PCDH7: variants seen among roughly 807,000 people sequenced by gnomAD.
PCDH7 encodes protocadherin-7.
Under a neutral mutation model 58.9 loss-of-function variants are expected in PCDH7, and 17 were observed. The observed-to-expected ratio is 0.29, with a 90% CI of 0.20 to 0.43. The LOEUF (loss-of-function observed/expected upper bound fraction) is 0.43. Ranked by LOEUF, PCDH7 falls within the 20% of genes least tolerant of loss-of-function variation. PCDH7 has a pLI of 1.00. For synonymous variants in PCDH7, 664 were observed against 616.4 expected, an observed-to-expected ratio of 1.08 and a Z score of -1.14; for missense variants, 1,274 against 1,441.0, an observed-to-expected ratio of 0.88 and a Z score of 1.88.
At position 31,057,411 on chromosome 4, in the gene PCDH7, C is replaced by A. The variant is rs191099215; in HGVS notation, c.*8-85062C>A. On this transcript the variant is annotated intron_variant, in intron 3 of 3. Transcript: ENST00000509759. Reference sequence around the variant, plus strand: ...CAGAGGTGGGTCATTGCATGAGTCTCCTGGTATAAACATATATGAACTTTT... The same window carrying A: ...CAGAGGTGGGTCATTGCATGAGTCTACTGGTATAAACATATATGAACTTTT... Among the ~76,000 whole-genome samples the A allele has an allele frequency of 3.8e-4, 58 of 152,168 alleles. No homozygotes were observed. The East Asian group carries it at 8.3e-3, about 22-fold the overall frequency.
chr4:31,136,173 G>T (rs1719573038), intron 3 of PCDH7, among the ~76,000 whole-genome samples: 1 of 152,144 alleles, frequency 6.6e-6, no homozygotes, highest in Non-Finnish European at 1.5e-5. Flanking sequence ...ACTTCAGAGA[G>T]GAAAAAATCT....
At chr4:30,736,414 C>A (rs1277136443), downstream of PCDH7, among the ~76,000 whole-genome samples, 6 of 151,738 alleles carry the variant, frequency 4.0e-5, no homozygotes, top group Non-Finnish European at 8.8e-5. Flanking sequence ...TTTAAAAAAT[C>A]GGGGTGATCT....
intron 1 of PCDH7, among the ~76,000 whole-genome samples, chr4:30,893,993 G>A (rs922626663): frequency 4.6e-5 from 7 of 152,132 alleles, no homozygotes; most frequent in Admixed American, 1.3e-4. Flanking sequence ...AGATGAACCT[G>A]CAGGGTACCA....
At chr4:31,122,685 C>T (rs1445561812) in intron 3 of PCDH7, among the ~76,000 whole-genome samples, 2 of 151,768 alleles carry the variant, frequency 1.3e-5, no homozygotes, top group Non-Finnish European at 2.9e-5. Flanking sequence ...TGAAGACAAA[C>T]ATTCTCTTTA....
intron 1 of PCDH7, among the ~76,000 whole-genome samples, chr4:30,830,480 A>G (rs1729632814): frequency 6.6e-6 from 1 of 152,134 alleles, no homozygotes; most frequent in Admixed American, 6.6e-5. Context: ...GATTTAAAAA[A>G]TAACATGTTT....
At chr4:31,023,499 A>T (rs546666840) in intron 3 of PCDH7, among the ~76,000 whole-genome samples, 2 of 152,118 alleles carry the variant, frequency 1.3e-5, no homozygotes, top group Non-Finnish European at 2.9e-5. Flanking sequence ...CTTTTTTTAA[A>T]CCTAAAATTA....
At chr4:31,144,428 A>G (rs564428717), downstream of PCDH7, 19 of 152,294 alleles carry the variant, frequency 1.2e-4, no homozygotes, top group African/African-American at 4.6e-4. Context: ...ACGGCTGAAA[A>G]TTGAGCTGGG....
At chr4:30,758,156 A>T (rs887657597) in intron 1 of PCDH7, among the ~76,000 whole-genome samples, 3 of 152,194 alleles carry the variant, frequency 2.0e-5, no homozygotes, top group Non-Finnish European at 4.4e-5. Flanking sequence ...TAAGAAGGTG[A>T]TGTTTGAGAA....
chr4:31,083,566 G>A (rs368653556), intron 3 of PCDH7, among the ~76,000 whole-genome samples: 42 of 152,086 alleles, frequency 2.8e-4, no homozygotes, highest in East Asian at 7.8e-4. Context: ...TTTTCTTTGC[G>A]TCTGAGCCAA....
intron 3 of PCDH7, among the ~76,000 whole-genome samples, chr4:31,074,369 C>G (rs532342699): frequency 4.0e-5 from 6 of 151,660 alleles, no homozygotes; most frequent in African/African-American, 1.5e-4. Context: ...TTATTATATA[C>G]TTATATCATG....
intron 1 of PCDH7, among the ~76,000 whole-genome samples, chr4:30,850,121 A>G (rs10012637): frequency 0.038 from 5,757 of 152,132 alleles, 348 homozygotes; most frequent in African/African-American, 0.13. Context: ...TGTCTCTTAT[A>G]TATTCGTATT....
intron 3 of PCDH7, among the ~76,000 whole-genome samples, chr4:31,102,367 C>T (rs1012945218): frequency 5.9e-5 from 9 of 151,950 alleles, no homozygotes; most frequent in Non-Finnish European, 8.8e-5. Context: ...CATAAAAGCA[C>T]GGGTGTTTAT....
At chr4:31,082,815 T>C (rs1460086765) in intron 3 of PCDH7, among the ~76,000 whole-genome samples, 1 of 152,024 alleles carries the variant, frequency 6.6e-6, no homozygotes, top group Non-Finnish European at 1.5e-5. Flanking sequence ...AAACTACACA[T>C]TAAGGGCCGG....
chr4:30,815,349 G>A (rs1163802130), intron 1 of PCDH7, among the ~76,000 whole-genome samples: 1 of 151,988 alleles, frequency 6.6e-6, no homozygotes, highest in Non-Finnish European at 1.5e-5. Context: ...TTTAGAGCAA[G>A]AATGAGCATT....
At chr4:30,813,432 A>C (rs1206645313) in intron 1 of PCDH7, among the ~76,000 whole-genome samples, 1 of 152,190 alleles carries the variant, frequency 6.6e-6, no homozygotes, top group Non-Finnish European at 1.5e-5. Flanking sequence ...GTTTGGCAAA[A>C]CATTATGCTA....
chr4:30,887,736 T>A (rs1738013845), intron 1 of PCDH7, among the ~76,000 whole-genome samples: 1 of 152,172 alleles, frequency 6.6e-6, no homozygotes, highest in Admixed American at 6.5e-5. Flanking sequence ...GGTTCATACA[T>A]CAGGACATGT....
At chr4:30,923,684 C>T (rs950919721) in intron 2 of PCDH7, among the ~76,000 whole-genome samples, 1 of 152,036 alleles carries the variant, frequency 6.6e-6, no homozygotes, top group African/African-American at 2.4e-5. Flanking sequence ...GAAATTACCC[C>T]ATTTAAAAAA....
chr4:30,875,497 A>C (rs1010115278), intron 1 of PCDH7, among the ~76,000 whole-genome samples: 7 of 152,096 alleles, frequency 4.6e-5, no homozygotes, highest in Admixed American at 1.3e-4. Flanking sequence ...TAGAAATGAG[A>C]GATTCTAAGA....
At chr4:30,779,952 C>A (rs548690292) in intron 1 of PCDH7, among the ~76,000 whole-genome samples, 1 of 152,074 alleles carries the variant, frequency 6.6e-6, no homozygotes, top group South Asian at 2.1e-4. Context: ...TGAATACCAG[C>A]CAATACTGCT....
Sources: gnomAD v4.1 joint callset for allele counts (sites outside exome capture counted in the v4.1 genomes callset) on GRCh38, gnomAD v4.1.1 for gene constraint, MANE v1.5 for transcripts, NCBI Gene and HGNC (gene_info 2026-07-23, HGNC 2026-07-21) for gene names.